Variants in KCTD1 observed in about 807,000 individuals in gnomAD.
KCTD1 encodes the protein potassium channel tetramerization domain containing 1.
KCTD1 carries 24 observed loss-of-function variants against 66.0 expected under a neutral mutation model. The observed-to-expected ratio is 0.36, with a 90% CI of 0.26 to 0.51. KCTD1 has a LOEUF of 0.51. Ranked by LOEUF, KCTD1 falls within the 20% of genes least tolerant of loss-of-function variation. The pLI, the probability that KCTD1 is intolerant of heterozygous loss-of-function variation, is 0.95. For synonymous variants in KCTD1, 511 were observed against 517.2 expected, an observed-to-expected ratio of 0.99 and a Z score of 0.16; for missense variants, 943 against 1,205.2, an observed-to-expected ratio of 0.78 and a Z score of 3.22.
chr18:26,537,210 T>A (rs1984751350), intron 1 of KCTD1, among the ~76,000 whole-genome samples: 1 of 152,220 alleles, frequency 6.6e-6, no homozygotes, highest in Non-Finnish European at 1.5e-5. Flanking sequence ...AAGTCTCTTT[T>A]TTTTCTGGAG....
chr18:26,617,582 A>G (rs1283016888), intron 1 of KCTD1, among the ~76,000 whole-genome samples: 1 of 152,178 alleles, frequency 6.6e-6, no homozygotes, highest in African/African-American at 2.4e-5. Flanking sequence ...GATGACATGT[A>G]TTTTAAGTAG....
chr18:26,487,586 A>G (rs1317594898), intron 2 of KCTD1, among the ~76,000 whole-genome samples: 1 of 152,246 alleles, frequency 6.6e-6, no homozygotes, highest in Non-Finnish European at 1.5e-5. Context: ...CTAATGATTC[A>G]AAGACAACAC....
rs1979984573 is a variant in KCTD1, at chr18:26,455,145, A to G, written c.*598T>C. 1 of 152,648 alleles carries G rather than the reference A, an allele frequency of 6.6e-6. No homozygotes were observed. Among genetic ancestry groups the G allele is most frequent in the East Asian group, 1.9e-4 (1 of 5,210 alleles). The allele number at this position is 152,648 out of a possible 1,614,324, so 9.5% of individuals were successfully genotyped here. A position where few individuals can be genotyped will look rare whatever the true frequency, so the allele number is the denominator to read the frequency against. On this transcript the variant is annotated 3_prime_UTR_variant, in exon 5 of 5. Transcript: ENST00000580059. The stretch of plus-strand genomic sequence containing the variant: ...TTCACATCTGTGAGGTGGACAAAAA[A>G]GTGTGACTTCTGTACAAACTACATT...
chr18:26,515,313 TC>T (rs2144731739), intron 1 of KCTD1, among the ~76,000 whole-genome samples: 1 of 152,298 alleles, frequency 6.6e-6, no homozygotes, highest in South Asian at 2.1e-4. Flanking sequence ...GCCAATGCCA[TC>T]TTTTGCAAAG....
chr18:26,459,599 CAG>C lies in KCTD1; in HGVS notation c.2439+19_2439+20del. The C allele has an allele frequency of 6.5e-7, 1 of 1,548,898 alleles. No individual in the cohort carries two copies. The highest frequency in any genetic ancestry group is 8.8e-7 in the Non-Finnish European group (1 of 1,142,410). ...AGTAAGAGTGGCATTTGATGCCACA[CAG>C]TGCGTAACAATGCTATACCTGGACT... On this transcript the variant is annotated intron_variant, in intron 4 of 4. Coordinates refer to ENST00000580059, the MANE Select transcript of KCTD1 (RefSeq NM_001142730.3).
At chr18:26,584,858 G>T (rs1986437640) in intron 1 of KCTD1, among the ~76,000 whole-genome samples, 1 of 152,156 alleles carries the variant, frequency 6.6e-6, no homozygotes, top group Non-Finnish European at 1.5e-5. Context: ...GGATACGAAA[G>T]GAAGGTGTTG....
Position 26,548,504 on chromosome 18 carries a change from G to A in KCTD1, c.33C>T (p.Asn11=). MARMPGSGDC[N]TSAGGSASAA... ...CGCTGGCGCTGCCGCCCGCGCTGGT[G>A]TTACAGTCCCCGCTGCCAGGCATTC... The change falls in exon 1 of 5, where the codon AAC becomes AAT. Residue 11 remains asparagine, a synonymous_variant. Transcript: ENST00000580059. The A allele has an allele frequency of 8.0e-7, 1 of 1,246,264 alleles. No individual in the cohort carries two copies. The highest frequency in any genetic ancestry group is 3.9e-5 in the South Asian group (1 of 25,668). The allele number at this position is 1,246,264 out of a possible 1,614,324, so 77.2% of individuals were successfully genotyped here. A position where few individuals can be genotyped will look rare whatever the true frequency, so the allele number is the denominator to read the frequency against.
At chr18:26,656,634 C>G (rs1988150842) in intron 1 of KCTD1, among the ~76,000 whole-genome samples, 1 of 151,270 alleles carries the variant, frequency 6.6e-6, no homozygotes, top group Non-Finnish European at 1.5e-5. Flanking sequence ...CCGCCCCGGG[C>G]CCCAGTCCGC....
intron 2 of KCTD1, among the ~76,000 whole-genome samples, chr18:26,487,678 C>T (rs1244452871): frequency 1.3e-5 from 2 of 152,206 alleles, no homozygotes; most frequent in Admixed American, 1.3e-4. Flanking sequence ...CAACAATGCA[C>T]GGTCTGTAGG....
Position 26,547,540 on chromosome 18 carries a change from A to C in KCTD1, c.997T>G (p.Ser333Ala). ...TCCTCGTCCATGGCCAGCCCAAAAGAGTCCTCCTCCAACTCACGCTGGTTC... is the reference window on the plus strand; with the variant it reads ...TCCTCGTCCATGGCCAGCCCAAAAGCGTCCTCCTCCAACTCACGCTGGTTC... Reference protein sequence around the residue: ...RENQRELEEDSFGLAMDEDGR... With the variant: ...RENQRELEEDAFGLAMDEDGR... Residue 333 changes from serine (S) to alanine (A), a missense_variant, in exon 1 of 5, where the codon TCT becomes GCT. By Grantham distance (99) the Ser-to-Ala change is moderately conservative. Coordinates refer to ENST00000580059, the MANE Select transcript of KCTD1 (RefSeq NM_001142730.3). The C allele has an allele frequency of 6.4e-7, 1 of 1,551,594 alleles. No homozygotes were observed. Among genetic ancestry groups the C allele is most frequent in the Non-Finnish European group, 8.7e-7 (1 of 1,146,950 alleles).
chr18:26,603,255 C>G (rs1004457054), intron 1 of KCTD1, among the ~76,000 whole-genome samples: 1 of 151,176 alleles, frequency 6.6e-6, no homozygotes, highest in Non-Finnish European at 1.5e-5. Context: ...CATGGTGAAA[C>G]CTTGTCTGTA....
rs368476138 is a variant in KCTD1, at chr18:26,515,376, A to G, written c.1810-14126T>C. Among the ~76,000 whole-genome samples the G allele has an allele frequency of 2.6e-5, 4 of 152,168 alleles. No homozygotes were observed. The East Asian group carries it at 7.7e-4, about 29-fold the overall frequency. On this transcript the variant is annotated intron_variant, in intron 1 of 4. Coordinates refer to ENST00000580059, the MANE Select transcript of KCTD1 (RefSeq NM_001142730.3). ...TAGATTAGTTGCTCAAGTTCAAACA[A>G]CCTAGTTGATTTAAAAGTTAGAAGC...
chr18:26,475,125 G>A (rs1170062758), intron 3 of KCTD1, among the ~76,000 whole-genome samples: 1 of 152,112 alleles, frequency 6.6e-6, no homozygotes, highest in Non-Finnish European at 1.5e-5. Flanking sequence ...CTGTCAGAAT[G>A]ACACCTTTAA....
At chr18:26,557,826 G>A (rs1230364460) in intron 1 of KCTD1, among the ~76,000 whole-genome samples, 1 of 152,216 alleles carries the variant, frequency 6.6e-6, no homozygotes, top group African/African-American at 2.4e-5. Context: ...AGAGATTGGA[G>A]TGAAGCCTGC....
At chr18:26,627,713 C>T (rs1987533374) in intron 1 of KCTD1, among the ~76,000 whole-genome samples, 1 of 152,154 alleles carries the variant, frequency 6.6e-6, no homozygotes, top group African/African-American at 2.4e-5. Context: ...CATTTGTTTT[C>T]ATTTAGGCTT....
At chr18:26,519,890 A>C (rs769248323) in intron 1 of KCTD1, among the ~76,000 whole-genome samples, 9 of 152,232 alleles carry the variant, frequency 5.9e-5, no homozygotes, top group Non-Finnish European at 1.2e-4. Flanking sequence ...AATTGCTGCC[A>C]TTTGTTGCTC....
At chr18:26,481,896 G>A (rs1981669355) in intron 2 of KCTD1, among the ~76,000 whole-genome samples, 1 of 152,164 alleles carries the variant, frequency 6.6e-6, no homozygotes, top group Admixed American at 6.5e-5. Context: ...CAACTGAGTT[G>A]AGAACCAGTG....
At chr18:26,466,962 T>C (rs897611705) in intron 3 of KCTD1, among the ~76,000 whole-genome samples, 6 of 152,146 alleles carry the variant, frequency 3.9e-5, no homozygotes, top group African/African-American at 1.4e-4. Flanking sequence ...GTAAAGGGCA[T>C]TGTGGAGTCA....
intron 1 of KCTD1, among the ~76,000 whole-genome samples, chr18:26,656,162 G>A (rs866804959): frequency 1.1e-4 from 17 of 152,310 alleles, no homozygotes; most frequent in Middle Eastern, 3.4e-3. Context: ...AGAGGCGGCC[G>A]GGAAACTGTC....
Sources: gnomAD v4.1 joint callset for allele counts (sites outside exome capture counted in the v4.1 genomes callset) on GRCh38, gnomAD v4.1.1 for gene constraint, MANE v1.5 for transcripts, NCBI Gene and HGNC (gene_info 2026-07-23, HGNC 2026-07-21) for gene names.